Variants in NFIB observed in about 807,000 individuals in gnomAD.
The protein encoded by NFIB is nuclear factor 1 B-type.
Under a neutral mutation model 61.5 loss-of-function variants are expected in NFIB, and 11 were observed. The observed-to-expected ratio is 0.18, with a 90% confidence interval of 0.11 to 0.30. The LOEUF is 0.30. Ranked by LOEUF, NFIB falls within the 10% of genes least tolerant of loss-of-function variation. The pLI is 1.00. For missense variants in NFIB, 471 were observed against 608.9 expected (o/e 0.77, Z 2.38); for synonymous variants, 260 against 216.5 (o/e 1.20, Z -1.76).
At chr9:14,375,322 T>A (rs944174478) in intron 1 of NFIB, among the ~76,000 whole-genome samples, 2 of 152,180 alleles carry the variant, frequency 1.3e-5, no homozygotes, top group African/African-American at 2.4e-5. Context: ...TGAGAACCCC[T>A]CCTAGCTTAG....
At chr9:14,507,802 ACT>A in the NFIB span, among the ~76,000 whole-genome samples, 1 of 151,794 alleles carries the variant, frequency 6.6e-6, no homozygotes, top group Non-Finnish European at 1.5e-5. Context: ...AACCATCAAA[ACT>A]CTCTAATAGA....
intron 10 of NFIB, among the ~76,000 whole-genome samples, chr9:14,111,129 T>A (rs1032975449): frequency 4.6e-5 from 7 of 152,166 alleles, no homozygotes; most frequent in African/African-American, 1.7e-4. Flanking sequence ...TAAAATAGTT[T>A]ATAGTTCTAG....
chr9:14,277,874 T>C (rs996346499), intron 2 of NFIB, among the ~76,000 whole-genome samples: 2 of 152,164 alleles, frequency 1.3e-5, no homozygotes, highest in African/African-American at 2.4e-5. Context: ...CCTAAAGAGA[T>C]AAAAGGTCAC....
chr9:14,250,972 C>T (rs1048464121), intron 2 of NFIB, among the ~76,000 whole-genome samples: 8 of 152,172 alleles, frequency 5.3e-5, no homozygotes, highest in Non-Finnish European at 1.2e-4. Flanking sequence ...TAAGTAAATA[C>T]TAAATGCTTG....
chr9:14,504,759 T>C, the NFIB span, among the ~76,000 whole-genome samples: 26,657 of 152,086 alleles, frequency 0.18, 2,784 homozygotes, highest in East Asian at 0.38. Flanking sequence ...TCTAGGTATA[T>C]GATCATATAA....
chr9:14,313,601 G>A lies in NFIB; in HGVS notation c.-90C>T, dbSNP rs1049142803. The A allele has an allele frequency of 8.6e-5, 138 of 1,605,592 alleles. No homozygotes were observed. Among genetic ancestry groups the A allele is most frequent in the Non-Finnish European group, 1.1e-4 (124 of 1,175,932 alleles). On this transcript the variant is annotated 5_prime_UTR_variant, in exon 1 of 11. Coordinates refer to ENST00000380953, the MANE Select transcript of NFIB (RefSeq NM_001190737.2). This position sits in a 1 kb window ranked among gnomAD's most constrained non-coding sequence, Gnocchi z 4.5. ...ATCTATTCATTTTACAGTCATCTGA[G>A]CCCCGCGATGCGATCAATCAGGACG...
At chr9:14,340,235 C>T (rs554070549) in intron 1 of NFIB, among the ~76,000 whole-genome samples, 6 of 152,242 alleles carry the variant, frequency 3.9e-5, no homozygotes, top group Non-Finnish European at 8.8e-5. Context: ...CAGTGCCTAC[C>T]GACTTCATCT....
chr9:14,204,291 C>T, intron 2 of NFIB: 2 of 686,102 alleles, frequency 2.9e-6, no homozygotes, highest in East Asian at 2.6e-5. Context: ...GTGGCTCCGG[C>T]CCCTGCTGTC....
chr9:14,097,512 G>A (rs1001477197), intron 10 of NFIB, among the ~76,000 whole-genome samples: 3 of 152,098 alleles, frequency 2.0e-5, no homozygotes, highest in African/African-American at 4.8e-5. Flanking sequence ...GTGAATTCGC[G>A]GGGATGTTCT....
At chr9:14,503,030 T>A in the NFIB span, among the ~76,000 whole-genome samples, 1 of 152,096 alleles carries the variant, frequency 6.6e-6, no homozygotes, top group Middle Eastern at 3.4e-3. Context: ...TCCAATTCCA[T>A]CCAGGTTTCT....
At chr9:14,391,630 A>G (rs1052647695) in intron 1 of NFIB, among the ~76,000 whole-genome samples, 2 of 152,186 alleles carry the variant, frequency 1.3e-5, no homozygotes, top group Non-Finnish European at 1.5e-5. Flanking sequence ...GAGCACACGT[A>G]CAACTTCAGT....
chr9:14,232,253 T>A (rs746036319), intron 2 of NFIB, among the ~76,000 whole-genome samples: 10 of 152,104 alleles, frequency 6.6e-5, no homozygotes, highest in Non-Finnish European at 1.5e-4. Flanking sequence ...GGCTGCTTTT[T>A]CTCATACAAG....
At chr9:14,469,930 C>G in the NFIB span, among the ~76,000 whole-genome samples, 1 of 152,080 alleles carries the variant, frequency 6.6e-6, no homozygotes, top group South Asian at 2.1e-4. Flanking sequence ...CCCAAATATT[C>G]TATTTGTGTT....
At chr9:14,296,476 T>TC (rs2059451709) in intron 2 of NFIB, among the ~76,000 whole-genome samples, 1 of 152,236 alleles carries the variant, frequency 6.6e-6, no homozygotes, top group Non-Finnish European at 1.5e-5. Context: ...AATTCCTACG[T>TC]TGAAATCCTA....
the NFIB span, among the ~76,000 whole-genome samples, chr9:14,411,404 G>T: frequency 6.6e-6 from 1 of 152,230 alleles, no homozygotes; most frequent in South Asian, 2.1e-4. Flanking sequence ...CCTCATGCAG[G>T]GGGGTGTGGC....
At chr9:14,465,041 T>A in the NFIB span, among the ~76,000 whole-genome samples, 1 of 152,156 alleles carries the variant, frequency 6.6e-6, no homozygotes, top group East Asian at 1.9e-4. Context: ...AAATAACCCA[T>A]TAAGAATATT....
the NFIB span, among the ~76,000 whole-genome samples, chr9:14,522,911 C>A: frequency 6.6e-6 from 1 of 152,162 alleles, no homozygotes; most frequent in African/African-American, 2.4e-5. Flanking sequence ...GAGAATGGTG[C>A]TCCTGGTTCT....
At chr9:14,243,185 G>A (rs527352137) in intron 2 of NFIB, among the ~76,000 whole-genome samples, 1 of 152,182 alleles carries the variant, frequency 6.6e-6, no homozygotes, top group South Asian at 2.1e-4. Flanking sequence ...TCCTTAGAAA[G>A]ACAGAATATA....
At chr9:14,390,168 GA>G (rs2061603036) in intron 1 of NFIB, among the ~76,000 whole-genome samples, 1 of 151,964 alleles carries the variant, frequency 6.6e-6, no homozygotes, top group Non-Finnish European at 1.5e-5. Context: ...GCCCCCAAAG[GA>G]AAAAAAGGCA....
Sources: gnomAD v4.1 joint callset for allele counts (sites outside exome capture counted in the v4.1 genomes callset) on GRCh38, gnomAD v4.1.1 for gene constraint, Gnocchi (gnomAD v3.1) non-coding constraint, MANE v1.5 for transcripts, NCBI Gene and HGNC (gene_info 2026-07-23, HGNC 2026-07-21) for gene names.